FRMD4A: variants seen among roughly 807,000 people sequenced by gnomAD.
The protein encoded by FRMD4A is FERM domain-containing protein 4A.
In FRMD4A, 29 loss-of-function variants were observed where a neutral mutation model predicts 129.1. The observed-to-expected ratio is 0.22, with a 90% CI of 0.17 to 0.31. The LOEUF is 0.31. FRMD4A is among the 10% of genes least tolerant of loss of function. The probability of loss-of-function intolerance (pLI) is 1.00; values close to 1 mark genes in which losing one functional copy is unlikely to be tolerated. For synonymous variants in FRMD4A, 634 were observed against 571.6 expected, an observed-to-expected ratio of 1.11 and a Z score of -1.56; for missense variants, 1,272 against 1,375.8, an observed-to-expected ratio of 0.92 and a Z score of 1.19.
intron 17 of FRMD4A, among the ~76,000 whole-genome samples, chr10:13,666,894 A>T (rs959301525): frequency 7.1e-6 from 1 of 140,846 alleles, no homozygotes. Context: ...GTCTTTCGGG[A>T]GCTTTTCTTT....
intron 2 of FRMD4A, among the ~76,000 whole-genome samples, chr10:13,861,233 A>G (rs369295508): frequency 4.6e-5 from 7 of 152,116 alleles, no homozygotes; most frequent in South Asian, 2.1e-4. Flanking sequence ...CTAACCCCCA[A>G]TGTATTTGCA....
chr10:14,044,910 T>A lies in FRMD4A; in HGVS notation c.46-185998A>T, dbSNP rs117151641. Among the ~76,000 whole-genome samples the A allele has an allele frequency of 7.5e-3, 1,143 of 152,234 alleles. 56 individuals are homozygous for A. In the East Asian group the frequency reaches 0.11, roughly 15 times the overall value. ...GATACCTTTGCCAGTCAGGCTACAT[T>A]CTCTGGCCCCTTTTTCTTTTTCTTG... is the stretch of plus-strand genomic sequence containing the variant. On this transcript the variant is annotated intron_variant, in intron 2 of 24. Coordinates refer to ENST00000357447, the MANE Select transcript of FRMD4A (RefSeq NM_018027.5).
intron 2 of FRMD4A, among the ~76,000 whole-genome samples, chr10:14,290,913 G>A (rs375563963): frequency 2.0e-5 from 3 of 152,006 alleles, no homozygotes; most frequent in Admixed American, 2.0e-4. Context: ...CTCAATAAAA[G>A]GTGTCTATTA....
At chr10:14,021,397 T>A (rs987203687) in intron 2 of FRMD4A, among the ~76,000 whole-genome samples, 15 of 138,858 alleles carry the variant, frequency 1.1e-4, no homozygotes, top group African/African-American at 4.6e-4. Context: ...AAAAAAAAAA[T>A]AATAAAAAAA....
intron 8 of FRMD4A, among the ~76,000 whole-genome samples, chr10:13,748,955 T>C (rs1016849922): frequency 3.9e-5 from 6 of 152,162 alleles, no homozygotes; most frequent in Non-Finnish European, 8.8e-5. Flanking sequence ...GACTCACACA[T>C]GCTTAGGTTT....
chr10:14,273,588 A>G (rs2132049870), intron 2 of FRMD4A, among the ~76,000 whole-genome samples: 1 of 152,304 alleles, frequency 6.6e-6, no homozygotes, highest in East Asian at 1.9e-4. Flanking sequence ...CTGGATTAAG[A>G]TAGAAATGAA....
At chr10:14,073,170 G>A (rs1334077319) in intron 2 of FRMD4A, among the ~76,000 whole-genome samples, 2 of 152,164 alleles carry the variant, frequency 1.3e-5, no homozygotes, top group African/African-American at 2.4e-5. Flanking sequence ...GACAGGTGGT[G>A]TCTTTTATTC....
At chr10:14,012,000 G>C (rs2095684124) in intron 2 of FRMD4A, among the ~76,000 whole-genome samples, 1 of 149,366 alleles carries the variant, frequency 6.7e-6, no homozygotes, top group Non-Finnish European at 1.5e-5. Flanking sequence ...CAGACAGCAT[G>C]AGACTCTGTC....
At chr10:13,811,782 T>C (rs1337320657) in intron 3 of FRMD4A, among the ~76,000 whole-genome samples, 1 of 151,946 alleles carries the variant, frequency 6.6e-6, no homozygotes, top group Non-Finnish European at 1.5e-5. Context: ...ATTTCTAAAC[T>C]AGCTTCCAGG....
At chr10:14,080,863 AT>A (rs1440146268) in intron 2 of FRMD4A, among the ~76,000 whole-genome samples, 1 of 151,582 alleles carries the variant, frequency 6.6e-6, no homozygotes, top group African/African-American at 2.4e-5. Flanking sequence ...CAGGAGATAA[AT>A]TCGTCAAGTA....
chr10:13,765,996 G>A (rs945527452), intron 6 of FRMD4A, among the ~76,000 whole-genome samples: 8 of 152,202 alleles, frequency 5.3e-5, no homozygotes, highest in African/African-American at 1.9e-4. Flanking sequence ...TATCTGATGC[G>A]CAACTCAAAA....
chr10:13,654,329 ACTGACATATC>A, intron 23 of FRMD4A, 77 bp downstream of exon 23: 1 of 890,680 alleles, frequency 1.1e-6, no homozygotes, highest in Non-Finnish European at 1.9e-6. Context: ...TCATCCATTT[ACTGACATATC>A]CTTATGTCAC....
chr10:13,889,136 T>C (rs1172969957), intron 2 of FRMD4A, among the ~76,000 whole-genome samples: 1 of 152,200 alleles, frequency 6.6e-6, no homozygotes, highest in Non-Finnish European at 1.5e-5. Flanking sequence ...GCAGTAACGA[T>C]CTTTGATGGT....
At chr10:13,912,397 C>A (rs2094950295) in intron 2 of FRMD4A, among the ~76,000 whole-genome samples, 1 of 152,030 alleles carries the variant, frequency 6.6e-6, no homozygotes, top group South Asian at 2.1e-4. Context: ...AAACATATAT[C>A]CACAGAAACT....
intron 2 of FRMD4A, among the ~76,000 whole-genome samples, chr10:14,184,162 C>A (rs1269638383): frequency 8.5e-6 from 1 of 117,668 alleles, no homozygotes; most frequent in Non-Finnish European, 1.6e-5. Context: ...GAGAGTCTCA[C>A]TCTCTGTTGC....
chr10:13,818,384 G>C (rs2093579146), intron 3 of FRMD4A, among the ~76,000 whole-genome samples: 1 of 152,048 alleles, frequency 6.6e-6, no homozygotes, highest in African/African-American at 2.4e-5. Context: ...TGCCCAGGCT[G>C]GTCTTGAACT....
At chr10:14,196,682 T>C (rs1842481404) in intron 2 of FRMD4A, among the ~76,000 whole-genome samples, 1 of 152,330 alleles carries the variant, frequency 6.6e-6, no homozygotes, top group African/African-American at 2.4e-5. Context: ...TTACATTGTT[T>C]GGTGTTGGAT....
rs2131850703 is a variant in FRMD4A at position 14,147,892 on chromosome 10, T to G, written c.45+182166A>C. ...AGATTCAAATCACAGATCTTCCACT[T>G]ACTATGTGATCTTGGGACAGTCACT... is the stretch of plus-strand genomic sequence containing the variant. On this transcript the variant is annotated intron_variant, in intron 2 of 24. Coordinates refer to ENST00000357447, the MANE Select transcript of FRMD4A (RefSeq NM_018027.5). Among the ~76,000 whole-genome samples the G allele has an allele frequency of 2.6e-5, 4 of 152,304 alleles. 1 individual carries two copies. In the South Asian group the frequency reaches 8.3e-4, roughly 32 times the overall value.
At chr10:13,913,780 G>A (rs2094969429) in intron 2 of FRMD4A, among the ~76,000 whole-genome samples, 1 of 152,168 alleles carries the variant, frequency 6.6e-6, no homozygotes, top group East Asian at 1.9e-4. Context: ...TACAGTTAGT[G>A]AACAAAATAG....
Sources: allele counts gnomAD v4.1 joint callset (sites outside exome capture counted in the v4.1 genomes callset), GRCh38; gene constraint gnomAD v4.1.1; transcripts MANE v1.5; gene names NCBI Gene and HGNC (gene_info 2026-07-23, HGNC 2026-07-21).